PPIP5K2: variants seen among roughly 807,000 people sequenced by gnomAD.
PPIP5K2 encodes the protein inositol hexakisphosphate and diphosphoinositol-pentakisphosphate kinase 2.
PPIP5K2 carries 105 observed loss-of-function variants against 154.6 expected under a neutral mutation model. The observed-to-expected ratio is 0.68, with a 90% CI of 0.58 to 0.80. The LOEUF (loss-of-function observed/expected upper bound fraction) is 0.80. Ranked by LOEUF, PPIP5K2 falls within the 30% of genes least tolerant of loss-of-function variation. The probability of loss-of-function intolerance (pLI) is 0.00; values close to 1 mark genes in which losing one functional copy is unlikely to be tolerated. For synonymous variants in PPIP5K2, 480 were observed against 490.3 expected, an observed-to-expected ratio of 0.98 and a Z score of 0.28; for missense variants, 992 against 1,504.6, an observed-to-expected ratio of 0.66 and a Z score of 5.64.
chr5:103,189,589 A>G (rs182260356), intron 28 of PPIP5K2, among the ~76,000 whole-genome samples: 9 of 152,174 alleles, frequency 5.9e-5, no homozygotes, highest in African/African-American at 2.2e-4. Flanking sequence ...AGTTGCTGTT[A>G]TAGTATAGTT....
rs1448687582 is a variant in PPIP5K2 at position 103,144,233 on chromosome 5, ATCTCT to A, written c.488-2290_488-2286del. 3.9e-5 allele frequency among the ~76,000 whole-genome samples: 6 copies of A among 152,104 alleles called. No homozygotes were observed. The East Asian group carries it at 7.7e-4, about 20-fold the overall frequency. ...CGGAATTCACTTAAAGAAATGAAAG[ATCTCT>A]TCTACAATGAAAACCATAAAATGCT... On this transcript the variant is annotated intron_variant, in intron 5 of 30. Coordinates refer to ENST00000358359, the MANE Select transcript of PPIP5K2 (RefSeq NM_001276277.3).
chr5:103,203,465 A>G lies in PPIP5K2; in HGVS notation c.*1831A>G, dbSNP rs1029107732. 1.3e-5 allele frequency: 2 copies of G among 152,190 alleles called. No individual in the cohort carries two copies. The highest frequency in any genetic ancestry group is 2.1e-4 in the South Asian group (1 of 4,826). The allele number at this position is 152,190 out of a possible 1,614,324, so 9.4% of individuals were successfully genotyped here. ...TATTGCTCTGTAGACTAGACACTCT[A>G]TTTGTAAAAATCTTAGAATCACTTT... On this transcript the variant is annotated 3_prime_UTR_variant, in exon 31 of 31. Transcript: ENST00000358359.
intron 21 of PPIP5K2, among the ~76,000 whole-genome samples, chr5:103,175,566 A>T (rs1245007197): frequency 6.6e-6 from 1 of 152,134 alleles, no homozygotes; most frequent in Non-Finnish European, 1.5e-5. Flanking sequence ...GGAGAATAGT[A>T]GTAAGTATTG....
rs190221186 is a variant in PPIP5K2, at chr5:103,155,059, A to C, written c.1403+116A>C. The stretch of plus-strand genomic sequence containing the variant: ...TCTGATCTTTTTACTCTTTGTTACT[A>C]TAGTTGAGACATGAAGGAAAATCTA... On this transcript the variant is annotated intron_variant, in intron 13 of 30. Transcript: ENST00000358359. 3 of 537,758 alleles carry C rather than the reference A, an allele frequency of 5.6e-6. No homozygotes were observed. In the East Asian group the frequency reaches 1.0e-4, roughly 19 times the overall value. The allele number at this position is 537,758 out of a possible 1,614,324, so 33.3% of individuals were successfully genotyped here. A position where few individuals can be genotyped will look rare whatever the true frequency, so the allele number is the denominator to read the frequency against.
chr5:103,123,071 T>C (rs528498112), intron 1 of PPIP5K2, among the ~76,000 whole-genome samples: 8 of 152,196 alleles, frequency 5.3e-5, no homozygotes, highest in Non-Finnish European at 1.2e-4. Flanking sequence ...GGTAAGTAGA[T>C]ACATTCTAAA....
rs1465096191 is a variant in PPIP5K2, at chr5:103,173,149, G to A, written c.2287-6G>A. On this transcript the variant is annotated splice_region_variant and splice_polypyrimidine_tract_variant and intron_variant, in intron 19 of 30. Transcript: ENST00000358359. The stretch of plus-strand genomic sequence containing the variant: ...CTTTTTCTAATGTCATGTATTTTTT[G>A]CTCAGGAATATGGTATAACTAAAGC... The A allele has an allele frequency of 6.3e-7, 1 of 1,575,274 alleles. No homozygotes were observed. Among genetic ancestry groups the A allele is most frequent in the African/African-American group, 1.4e-5 (1 of 72,142 alleles).
chr5:103,172,143 T>C (rs1798070135), intron 19 of PPIP5K2, among the ~76,000 whole-genome samples: 1 of 151,706 alleles, frequency 6.6e-6, no homozygotes, highest in Admixed American at 6.6e-5. Context: ...ATTATTTCCC[T>C]GATGATTTTT....
At chr5:103,143,182 A>G (rs111536562) in intron 5 of PPIP5K2, among the ~76,000 whole-genome samples, 26 of 152,372 alleles carry the variant, frequency 1.7e-4, no homozygotes, top group Non-Finnish European at 2.9e-4. Flanking sequence ...AAATTAAAAC[A>G]TACTACCAGA....
At chr5:103,152,886 A>C in intron 10 of PPIP5K2, 137 bp downstream of exon 10, 3 of 566,688 alleles carry the variant, frequency 5.3e-6, no homozygotes, top group Non-Finnish European at 9.3e-6. Flanking sequence ...AAGATAGAGG[A>C]GTAGATTATA....
intron 19 of PPIP5K2, among the ~76,000 whole-genome samples, chr5:103,172,944 T>G (rs1352046372): frequency 6.6e-6 from 1 of 151,822 alleles, no homozygotes; most frequent in Non-Finnish European, 1.5e-5. Context: ...TACTGGCTTT[T>G]GTTCAGTTCC....
chr5:103,161,595 A>G (rs533425474), intron 17 of PPIP5K2, among the ~76,000 whole-genome samples: 1 of 152,030 alleles, frequency 6.6e-6, no homozygotes, highest in African/African-American at 2.4e-5. Flanking sequence ...AAGTGTTCCT[A>G]TTTCTCCACA....
At chr5:103,135,158 A>G (rs542408186) in intron 3 of PPIP5K2, among the ~76,000 whole-genome samples, 2 of 152,326 alleles carry the variant, frequency 1.3e-5, no homozygotes, top group African/African-American at 4.8e-5. Context: ...GAATAATAAC[A>G]GGTAACATTT....
intron 27 of PPIP5K2, among the ~76,000 whole-genome samples, 189 bp from the exon 28 acceptor site, chr5:103,187,125 T>C (rs943601668): frequency 3.0e-4 from 45 of 152,216 alleles, no homozygotes; most frequent in African/African-American, 1.0e-3. Context: ...ATATTTCATT[T>C]GACACTTTTC....
At chr5:103,132,003 GT>G (rs1790702903) in intron 2 of PPIP5K2, among the ~76,000 whole-genome samples, 1 of 152,144 alleles carries the variant, frequency 6.6e-6, no homozygotes, top group Non-Finnish European at 1.5e-5. Context: ...TTAGGTTAGA[GT>G]ACATTTGTTG....
In PPIP5K2 at chr5:103,201,582, C is replaced by T; in HGVS notation, c.3680C>T (p.Thr1227Ile). 1 of 1,609,930 alleles carries T rather than the reference C, an allele frequency of 6.2e-7. No individual in the cohort carries two copies. The highest frequency in any genetic ancestry group is 1.1e-5 in the South Asian group (1 of 90,412). Residue 1227 changes from threonine to isoleucine, a missense_variant, in exon 31 of 31, where the codon ACT becomes ATT. This residue lies in a region of PPIP5K2 where 131 missense variants were observed against 117.8 expected (regional missense o/e 1.11). Coordinates refer to ENST00000358359, the MANE Select transcript of PPIP5K2 (RefSeq NM_001276277.3). ...ACCTCATCTCGGAAAAAGAATATAA[C>T]TAGCAAAACAGAAACGCATGAACAC... ...PNTSSRKKNITSKTETHEHKK... is the reference protein window; with the variant it reads ...PNTSSRKKNIISKTETHEHKK...
rs1554223784 is a variant in PPIP5K2 at position 103,183,352 on chromosome 5, C to G, written c.3041C>G (p.Pro1014Arg). ...RRSGEQITSS[P>R]VSPKSLAFTS... The stretch of plus-strand genomic sequence containing the variant: ...TCAGGGGAACAAATCACTTCTTCCC[C>G]TGTCTCCCCCAAATCATTGGCTTTC... The change falls in exon 25 of 31, where the codon CCT becomes CGT. Residue 1014 changes from proline to arginine, a missense_variant. Pro to Arg is a moderately radical substitution (Grantham distance 103). Transcript: ENST00000358359. 1 of 1,611,124 alleles carries G rather than the reference C, an allele frequency of 6.2e-7. No individual in the cohort carries two copies. The highest frequency in any genetic ancestry group is 1.1e-5 in the South Asian group (1 of 90,746).
intron 29 of PPIP5K2, 89 bp from the exon 30 acceptor site, chr5:103,194,811 G>T: frequency 7.2e-7 from 1 of 1,381,560 alleles, no homozygotes; most frequent in South Asian, 1.4e-5. Flanking sequence ...ATATTCGTAG[G>T]GTCACTAAAT....
intron 17 of PPIP5K2, among the ~76,000 whole-genome samples, chr5:103,161,152 T>G (rs1796170071): frequency 6.9e-6 from 1 of 145,338 alleles, no homozygotes; most frequent in East Asian, 2.2e-4. Context: ...ATGTTCCCCT[T>G]CCTGTGTCCA....
intron 14 of PPIP5K2, 132 bp downstream of exon 14, chr5:103,156,126 T>C: frequency 1.7e-6 from 1 of 590,600 alleles, no homozygotes; most frequent in Non-Finnish European, 3.0e-6. Flanking sequence ...AGTGGAATTA[T>C]CTTAGCTGTG....
Sources: allele counts gnomAD v4.1 joint callset (sites outside exome capture counted in the v4.1 genomes callset), GRCh38; gene constraint gnomAD v4.1.1; regional missense constraint gnomAD v4.1.1; transcripts MANE v1.5; gene names NCBI Gene and HGNC (gene_info 2026-07-23, HGNC 2026-07-21).